Variants in CDK6 observed in about 807,000 individuals in gnomAD.
The protein encoded by CDK6 is cyclin-dependent kinase 6.
A neutral mutation model predicts 37.1 loss-of-function variants in CDK6; 6 were observed. That is an observed-to-expected ratio of 0.16 (90% CI 0.09 to 0.32). CDK6 has a LOEUF of 0.32. Among genes scored for constraint, CDK6 ranks in the 10% least tolerant of loss-of-function variants. The pLI, the probability that CDK6 is intolerant of heterozygous loss-of-function variation, is 1.00. For missense variants in CDK6, 224 were observed against 418.9 expected, an observed-to-expected ratio of 0.53 and a Z score of 4.06; for synonymous variants, 160 against 161.3, an observed-to-expected ratio of 0.99 and a Z score of 0.06.
chr7:92,738,641 A>G (rs893049736), intron 3 of CDK6, among the ~76,000 whole-genome samples: 11 of 98,650 alleles, frequency 1.1e-4, no homozygotes, highest in Admixed American at 1.7e-4. Flanking sequence ...TCCATCTCCG[A>G]AAAAAAAAAA....
intron 3 of CDK6, among the ~76,000 whole-genome samples, chr7:92,729,683 A>C (rs1798596594): frequency 6.6e-6 from 1 of 152,160 alleles, no homozygotes; most frequent in Non-Finnish European, 1.5e-5. Context: ...CAAGACAAAC[A>C]AGCAAACTAA....
chr7:92,779,810 G>A (rs1359804398), intron 2 of CDK6, among the ~76,000 whole-genome samples: 1 of 152,130 alleles, frequency 6.6e-6, no homozygotes, highest in African/African-American at 2.4e-5. Context: ...TAGTCACAAT[G>A]GGTAGGAAAT....
intron 4 of CDK6, among the ~76,000 whole-genome samples, chr7:92,712,204 G>A (rs1461498476): frequency 2.6e-5 from 4 of 151,218 alleles, no homozygotes; most frequent in East Asian, 3.9e-4. Flanking sequence ...GCGGGGACTC[G>A]CATATACAAA....
chr7:92,817,693 T>G (rs1801065523), intron 2 of CDK6, among the ~76,000 whole-genome samples: 1 of 151,646 alleles, frequency 6.6e-6, no homozygotes, highest in Non-Finnish European at 1.5e-5. Context: ...TATATATATA[T>G]AGGGGGGAAA....
intron 3 of CDK6, among the ~76,000 whole-genome samples, chr7:92,752,705 A>C (rs551933997): frequency 2.6e-5 from 4 of 152,294 alleles, no homozygotes; most frequent in East Asian, 1.9e-4. Flanking sequence ...TGACTACCAA[A>C]GCAGTTCATC....
chr7:92,688,954 G>C (rs545974657), intron 4 of CDK6, among the ~76,000 whole-genome samples: 6 of 152,258 alleles, frequency 3.9e-5, no homozygotes, highest in African/African-American at 1.2e-4. Context: ...CTATTTTGGC[G>C]GAGGGAGGCT....
chr7:92,729,902 G>C (rs1798603409), intron 3 of CDK6, among the ~76,000 whole-genome samples: 1 of 152,050 alleles, frequency 6.6e-6, no homozygotes, highest in Non-Finnish European at 1.5e-5. Flanking sequence ...ACCATGCCTG[G>C]CTACTTTTTA....
intron 4 of CDK6, among the ~76,000 whole-genome samples, chr7:92,674,504 T>C (rs764269726): frequency 1.3e-5 from 2 of 152,388 alleles, no homozygotes; most frequent in East Asian, 1.9e-4. Context: ...CAAAATTCAA[T>C]GACCAGTCAT....
intron 3 of CDK6, among the ~76,000 whole-genome samples, chr7:92,749,921 A>G (rs1799149386): frequency 6.6e-6 from 1 of 152,330 alleles, no homozygotes; most frequent in Admixed American, 6.5e-5. Context: ...TTCATGGAGA[A>G]AAAATATATA....
chr7:92,681,858 A>C (rs1797344196), intron 4 of CDK6, among the ~76,000 whole-genome samples: 1 of 152,144 alleles, frequency 6.6e-6, no homozygotes, highest in Admixed American at 6.5e-5. Flanking sequence ...TCCATGCTGT[A>C]TTCAGAACTC....
intron 2 of CDK6, among the ~76,000 whole-genome samples, chr7:92,832,161 G>A (rs1801502743): frequency 6.6e-6 from 1 of 152,138 alleles, no homozygotes; most frequent in Admixed American, 6.5e-5. Flanking sequence ...GTTTAAAAAA[G>A]AAAAGGATGA....
chr7:92,787,119 T>C (rs185994895), intron 2 of CDK6, among the ~76,000 whole-genome samples: 1 of 149,178 alleles, frequency 6.7e-6, no homozygotes, highest in Non-Finnish European at 1.5e-5. Context: ...GAGGCGGAGG[T>C]TGCCGTGAGC....
intron 7 of CDK6, among the ~76,000 whole-genome samples, chr7:92,617,736 C>A (rs890818770): frequency 2.0e-5 from 3 of 152,128 alleles, no homozygotes; most frequent in African/African-American, 7.2e-5. Flanking sequence ...CTTAAAGTAG[C>A]ATGAAACTGT....
At chr7:92,822,697 G>A (rs556343882) in intron 2 of CDK6, among the ~76,000 whole-genome samples, 2 of 152,104 alleles carry the variant, frequency 1.3e-5, no homozygotes, top group African/African-American at 4.8e-5. Flanking sequence ...TAGGCACACG[G>A]GGCAATGCAA....
Position 92,708,807 on chromosome 7 carries a change from C to T in CDK6, c.537+16819G>A, listed in dbSNP as rs373033964. ...AGATTCTTCATTATACAATTTGTTC[C>T]GTTTTGAATGAAAATGTTAATCATA... is the stretch of plus-strand genomic sequence containing the variant. On this transcript the variant is annotated intron_variant, in intron 4 of 7. Coordinates refer to ENST00000424848, the MANE Select transcript of CDK6 (RefSeq NM_001145306.2). 5.1e-4 allele frequency among the ~76,000 whole-genome samples: 78 copies of T among 152,136 alleles called. No individual in the cohort carries two copies. The South Asian group carries it at 0.016, about 30-fold the overall frequency.
chr7:92,616,488 A>G (rs1795680649), intron 7 of CDK6, among the ~76,000 whole-genome samples: 1 of 152,186 alleles, frequency 6.6e-6, no homozygotes, highest in Admixed American at 6.5e-5. Flanking sequence ...TCAAGAGCTA[A>G]AGGGCAAGTG....
chr7:92,744,424 T>G (rs945571363), intron 3 of CDK6, among the ~76,000 whole-genome samples: 1 of 152,302 alleles, frequency 6.6e-6, no homozygotes, highest in South Asian at 2.1e-4. Flanking sequence ...GCCCCCATGA[T>G]TCACTTAACT....
At chr7:92,756,148 A>C in intron 3 of CDK6, among the ~76,000 whole-genome samples, 1 of 149,846 alleles carries the variant, frequency 6.7e-6, no homozygotes, top group African/African-American at 2.5e-5. Context: ...GAATAGAGGC[A>C]TGTAAAATTG....
intron 4 of CDK6, among the ~76,000 whole-genome samples, chr7:92,682,726 G>A (rs551616904): frequency 6.6e-6 from 1 of 152,296 alleles, no homozygotes; most frequent in African/African-American, 2.4e-5. Flanking sequence ...AGGACAGAGT[G>A]TTTCTATTAT....
Sources: gnomAD v4.1 joint callset for allele counts (sites outside exome capture counted in the v4.1 genomes callset) on GRCh38, gnomAD v4.1.1 for gene constraint, MANE v1.5 for transcripts, NCBI Gene and HGNC (gene_info 2026-07-23, HGNC 2026-07-21) for gene names.